GIPR: variants seen among roughly 807,000 people sequenced by gnomAD.
GIPR encodes gastric inhibitory polypeptide receptor.
A neutral mutation model predicts 62.2 loss-of-function variants in GIPR; 74 were observed. The ratio of observed to expected loss-of-function variants is 1.19; its 90% CI spans 0.99 to 1.44. The LOEUF (loss-of-function observed/expected upper bound fraction) is 1.44, where lower values mean the gene tolerates loss of function less well. Ranked by LOEUF, GIPR falls within the 40% of genes most tolerant of loss-of-function variation. The pLI, the probability that GIPR is intolerant of heterozygous loss-of-function variation, is 0.00. For missense variants in GIPR, 664 were observed against 611.8 expected (o/e 1.09, Z -0.90); for synonymous variants, 256 against 262.2 (o/e 0.98, Z 0.23).
At chr19:45,678,514 C>T (rs1967075430) in intron 12 of GIPR, 9 of 479,070 alleles carry the variant, frequency 1.9e-5, no homozygotes, top group South Asian at 1.7e-4. Context: ...CAGGAATGTG[C>T]GACAACACCT....
chr19:45,674,080 A>C lies in GIPR; in HGVS notation c.391A>C (p.Arg131=). The part of the protein sequence containing the change: ...PEKNEAFLDQ[R]LILERLQVMY... ...CCCTTCTTGCCCCGACCAGGACCAA[A>C]GGCTCATCTTGGAGCGGTTGCAGGT... Residue 131 remains arginine, a synonymous_variant, in exon 6 of 14, where the codon AGG becomes CGG. Coordinates refer to ENST00000590918, the MANE Select transcript of GIPR (RefSeq NM_000164.4). 6.2e-7 allele frequency: 1 copy of C among 1,607,248 alleles called. No homozygotes were observed. Among genetic ancestry groups the C allele is most frequent in the Non-Finnish European group, 8.5e-7 (1 of 1,173,826 alleles).
intron 4 of GIPR, among the ~76,000 whole-genome samples, chr19:45,671,702 C>T (rs946827612): frequency 4.6e-5 from 7 of 152,024 alleles, no homozygotes; most frequent in African/African-American, 1.7e-4. Flanking sequence ...CGGGTTCAAG[C>T]GATTCTCCAG....
At position 45,681,647 on chromosome 19, in the gene GIPR, T is replaced by G. The variant is rs1289875890; in HGVS notation, c.1194+2T>G. On this transcript the variant is annotated splice_donor_variant, in intron 13 of 13. Coordinates refer to ENST00000590918, the MANE Select transcript of GIPR (RefSeq NM_000164.4). LOFTEE classifies it high-confidence loss of function. ...CTCTACTGCTTCATCAACAAGGAGGTAGGCAGAGACCCGGCCGCCGCCCCC... is the reference window on the plus strand; with the variant it reads ...CTCTACTGCTTCATCAACAAGGAGGGAGGCAGAGACCCGGCCGCCGCCCCC... The G allele has an allele frequency of 8.1e-6, 13 of 1,613,568 alleles. No individual in the cohort carries two copies. Among genetic ancestry groups the G allele is most frequent in the Non-Finnish European group, 1.1e-5 (13 of 1,179,836 alleles).
At chr19:45,672,268 A>C (rs968229600) in intron 4 of GIPR, among the ~76,000 whole-genome samples, 1 of 151,530 alleles carries the variant, frequency 6.6e-6, no homozygotes, top group African/African-American at 2.4e-5. Flanking sequence ...CTCTCACCTC[A>C]GCCTCCCAAA....
intron 12 of GIPR, 114 bp from the exon 13 acceptor site, chr19:45,681,490 C>A (rs1170476807): frequency 2.1e-6 from 2 of 957,824 alleles, no homozygotes; most frequent in Admixed American, 3.9e-5. Flanking sequence ...AGCAATATTC[C>A]GACTCTTAAA....
chr19:45,670,505 C>A lies in GIPR; in HGVS notation c.73-130C>A, dbSNP rs1198081332. On this transcript the variant is annotated intron_variant, in intron 2 of 13. Coordinates refer to ENST00000590918, the MANE Select transcript of GIPR (RefSeq NM_000164.4). ...CCAAGACTTGGAACTGGTTTCCAAG[C>A]TACCCAAGACTCCCGAACAACACGC... 4.9e-6 allele frequency: 3 copies of A among 608,690 alleles called. No individual in the cohort carries two copies. In the African/African-American group the frequency reaches 5.6e-5, roughly 11 times the overall value. The allele number at this position is 608,690 out of a possible 1,614,324, so 37.7% of individuals were successfully genotyped here.
In GIPR at chr19:45,682,225, T is replaced by C; in HGVS notation, c.*290T>C. 14 of 404,392 alleles carry C rather than the reference T, an allele frequency of 3.5e-5. No individual in the cohort carries two copies. Among genetic ancestry groups the C allele is most frequent in the East Asian group, 5.4e-5 (1 of 18,490 alleles). 25.1% of individuals were successfully genotyped at this position (404,392 alleles called of 1,614,324 possible). ...CCATCCCCGAAAGAGGTGAAAGAGA[T>C]CACTTTGGGGAGAGCTGGAGAACAG... On this transcript the variant is annotated 3_prime_UTR_variant, in exon 14 of 14. Transcript: ENST00000590918.
Position 45,682,207 on chromosome 19 carries a change from C to A in GIPR, c.*272C>A. On this transcript the variant is annotated 3_prime_UTR_variant, in exon 14 of 14. Transcript: ENST00000590918. ...AAGGAGGTGACACTTAAGCCATCCC[C>A]GAAAGAGGTGAAAGAGATCACTTTG... The A allele has an allele frequency of 4.2e-6, 2 of 481,132 alleles. No homozygotes were observed. The highest frequency in any genetic ancestry group is 7.4e-6 in the Non-Finnish European group (2 of 271,238). 29.8% of individuals were successfully genotyped at this position (481,132 alleles called of 1,614,324 possible).
intron 9 of GIPR, 61 bp downstream of exon 9, chr19:45,677,444 G>A: frequency 8.5e-7 from 1 of 1,174,974 alleles, no homozygotes; most frequent in Non-Finnish European, 1.3e-6. Flanking sequence ...GGACTGTGGC[G>A]GGTTGTGATG....
intron 7 of GIPR, chr19:45,675,040 A>C: frequency 3.3e-6 from 2 of 612,452 alleles, no homozygotes; most frequent in Non-Finnish European, 3.0e-6. Flanking sequence ...CTCCCAGCCT[A>C]TCACTCCCAT....
intron 9 of GIPR, 138 bp downstream of exon 9, chr19:45,677,521 G>GTCACGATCTGGGCCGTGCGGCAGGCAGC: frequency 1.2e-6 from 1 of 831,396 alleles, no homozygotes; most frequent in Non-Finnish European, 2.0e-6. Flanking sequence ...GAAGTAATGG[G>GTCACGATCTGGGCCGTGCGGCAGGCAGC]GAGCTAGGAA....
chr19:45,681,958 TCA>T lies in GIPR; in HGVS notation c.*24_*25del. On this transcript the variant is annotated 3_prime_UTR_variant, in exon 14 of 14. Coordinates refer to ENST00000590918, the MANE Select transcript of GIPR (RefSeq NM_000164.4). ...TAGGGGGCGGGATCCCCGTGTCTGT[TCA>T]GTTAGCATGGATTTATTGAGTGCCA... 1 of 1,543,306 alleles carries T rather than the reference TCA, an allele frequency of 6.5e-7. No individual in the cohort carries two copies. The highest frequency in any genetic ancestry group is 8.8e-7 in the Non-Finnish European group (1 of 1,138,356).
intron 3 of GIPR, 119 bp downstream of exon 3, chr19:45,670,853 C>T: frequency 1.5e-6 from 1 of 666,292 alleles, no homozygotes; most frequent in South Asian, 1.8e-5. Flanking sequence ...CTGGAGAGGC[C>T]CGGGGACTGA....
chr19:45,675,006 C>T, intron 7 of GIPR, 180 bp downstream of exon 7: 1 of 673,906 alleles, frequency 1.5e-6, no homozygotes, highest in East Asian at 2.6e-5. Flanking sequence ...AACCTCCCAA[C>T]TCGGCCTCTG....
At chr19:45,675,459 C>T (rs1975792203) in intron 7 of GIPR, 2 of 151,502 alleles carry the variant, frequency 1.3e-5, no homozygotes, top group Admixed American at 1.3e-4. Context: ...CCTGTAATCC[C>T]AGCTACTCAG....
At position 45,681,803 on chromosome 19, in the gene GIPR, C is replaced by A; in HGVS notation, c.1269C>A (p.Leu423=). The A allele has an allele frequency of 6.3e-7, 1 of 1,575,304 alleles. No individual in the cohort carries two copies. The highest frequency in any genetic ancestry group is 8.6e-7 in the Non-Finnish European group (1 of 1,160,256). The change falls in exon 14 of 14, where the codon CTC becomes CTA. Residue 423 remains leucine, a synonymous_variant. Coordinates refer to ENST00000590918, the MANE Select transcript of GIPR (RefSeq NM_000164.4). The stretch of plus-strand genomic sequence containing the variant: ...GCCTGGGCGAGGAGCAACGCCAGCT[C>A]CCGGAGCGCGCCTTCCGGGCCCTGC... ...RRSLGEEQRQ[L]PERAFRALPS... is the part of the protein sequence containing the mutation.
rs770243512 is a variant in GIPR at position 45,681,628 on chromosome 19, T to G, written c.1177T>G (p.Cys393Gly). The G allele has an allele frequency of 3.1e-6, 5 of 1,613,910 alleles. No individual in the cohort carries two copies. In the South Asian group the frequency reaches 5.5e-5, roughly 18 times the overall value. ...GGGCTTCCTGGTCAGCGTCCTCTAC[T>G]GCTTCATCAACAAGGAGGTAGGCAG... ...FQGFLVSVLY[C>G]FINKEVQSEI... Residue 393 changes from cysteine (C) to glycine (G), a missense_variant, in exon 13 of 14, where the codon TGC becomes GGC. By Grantham distance (159) the Cys-to-Gly change is radical. Transcript: ENST00000590918.
At chr19:45,670,454 A>G in intron 2 of GIPR, 181 bp from the exon 3 acceptor site, 1 of 541,994 alleles carries the variant, frequency 1.8e-6, no homozygotes, top group South Asian at 2.7e-5. Flanking sequence ...TAGCAACTCC[A>G]GTGGGTGGCT....
In GIPR at chr19:45,674,712, C is replaced by T. The variant is rs767433218; in HGVS notation, c.519C>T (p.His173=). The change falls in exon 7 of 14, where the codon CAC becomes CAT. Residue 173 remains histidine, a synonymous_variant. Coordinates refer to ENST00000590918, the MANE Select transcript of GIPR (RefSeq NM_000164.4). ...RRLHCTRNYI[H]INLFTSFMLR... ...TACATTGCACTAGAAACTATATCCA[C>T]ATCAACCTGTTCACGTCTTTCATGC... is the stretch of plus-strand genomic sequence containing the variant. The T allele has an allele frequency of 1.2e-6, 2 of 1,613,990 alleles. No individual in the cohort carries two copies. Among genetic ancestry groups the T allele is most frequent in the African/African-American group, 1.3e-5 (1 of 74,912 alleles).
Sources: allele counts gnomAD v4.1 joint callset (sites outside exome capture counted in the v4.1 genomes callset), GRCh38; gene constraint gnomAD v4.1.1; transcripts MANE v1.5; gene names NCBI Gene and HGNC (gene_info 2026-07-23, HGNC 2026-07-21).